Variants in UNC5D observed in about 807,000 individuals in gnomAD.
The protein encoded by UNC5D is netrin receptor UNC5D.
A neutral mutation model predicts 105.4 loss-of-function variants in UNC5D; 39 were observed. That is an observed-to-expected ratio of 0.37 (90% CI 0.29 to 0.48). The LOEUF (loss-of-function observed/expected upper bound fraction) is 0.48, where lower values mean the gene tolerates loss of function less well. UNC5D is among the 20% of genes least tolerant of loss of function. The probability of loss-of-function intolerance (pLI) is 0.98; values close to 1 mark genes in which losing one functional copy is unlikely to be tolerated. For synonymous variants in UNC5D, 452 were observed against 450.4 expected, an observed-to-expected ratio of 1.00 and a Z score of -0.04; for missense variants, 991 against 1,202.4, an observed-to-expected ratio of 0.82 and a Z score of 2.60.
At chr8:35,387,242 A>G (rs1352442030) in intron 1 of UNC5D, among the ~76,000 whole-genome samples, 2 of 151,826 alleles carry the variant, frequency 1.3e-5, no homozygotes, top group Non-Finnish European at 2.9e-5. Context: ...GTGTGCCTGT[A>G]GTCCCAGCTC....
chr8:35,313,188 G>A (rs1213584041), intron 1 of UNC5D, among the ~76,000 whole-genome samples: 2 of 152,294 alleles, frequency 1.3e-5, no homozygotes, highest in African/African-American at 2.4e-5. Flanking sequence ...TACAAGGAGT[G>A]CAAGCTTACA....
At chr8:35,772,487 T>A (rs1357046896) in intron 15 of UNC5D, among the ~76,000 whole-genome samples, 2 of 152,110 alleles carry the variant, frequency 1.3e-5, no homozygotes, top group Non-Finnish European at 2.9e-5. Flanking sequence ...GGTGCCCACA[T>A]TAGGAAGACA....
intron 4 of UNC5D, among the ~76,000 whole-genome samples, chr8:35,675,232 A>G (rs115031792): frequency 0.012 from 1,778 of 152,252 alleles, 32 homozygotes; most frequent in African/African-American, 0.041. Flanking sequence ...TAAAGCAAAG[A>G]ATAATGGACC....
At chr8:35,385,814 G>A (rs1051126072) in intron 1 of UNC5D, among the ~76,000 whole-genome samples, 1 of 152,106 alleles carries the variant, frequency 6.6e-6, no homozygotes, top group Non-Finnish European at 1.5e-5. Flanking sequence ...TCAGATTTAT[G>A]CAGAAATTTA....
At chr8:35,389,442 A>G (rs1803631774) in intron 1 of UNC5D, among the ~76,000 whole-genome samples, 1 of 152,188 alleles carries the variant, frequency 6.6e-6, no homozygotes, top group Non-Finnish European at 1.5e-5. Flanking sequence ...CACTTTGAGT[A>G]ACAGAGAACT....
intron 1 of UNC5D, among the ~76,000 whole-genome samples, chr8:35,389,722 A>G (rs1234830442): frequency 1.4e-5 from 2 of 137,944 alleles, no homozygotes; most frequent in African/African-American, 5.5e-5. Flanking sequence ...TCTGGAAGTT[A>G]ATGTTCTGGC....
chr8:35,639,255 A>G (rs1343558667), intron 4 of UNC5D, among the ~76,000 whole-genome samples: 1 of 152,220 alleles, frequency 6.6e-6, no homozygotes, highest in African/African-American at 2.4e-5. Flanking sequence ...GGCGACCAGG[A>G]AAGGACATCT....
chr8:35,759,507 C>T (rs368469576), intron 14 of UNC5D, 38 bp downstream of exon 14: 27 of 1,589,992 alleles, frequency 1.7e-5, no homozygotes, highest in Non-Finnish European at 1.8e-5. Flanking sequence ...AACGGCTTTG[C>T]TTTAACCGGC....
intron 1 of UNC5D, among the ~76,000 whole-genome samples, chr8:35,485,016 T>A (rs1024085805): frequency 6.6e-6 from 1 of 152,224 alleles, no homozygotes. Flanking sequence ...AATTGTTTTA[T>A]TTTTACTGAG....
chr8:35,760,671 C>T (rs1801485412), intron 14 of UNC5D, among the ~76,000 whole-genome samples: 2 of 152,128 alleles, frequency 1.3e-5, no homozygotes, highest in African/African-American at 4.8e-5. Flanking sequence ...CTGGCGGACT[C>T]ACATTGACCT....
intron 4 of UNC5D, among the ~76,000 whole-genome samples, chr8:35,647,919 A>G (rs1823158434): frequency 6.6e-6 from 1 of 152,224 alleles, no homozygotes; most frequent in African/African-American, 2.4e-5. Context: ...GACAACTCAG[A>G]TAATTTGCTG....
chr8:35,275,519 C>A (rs1480710366), intron 1 of UNC5D, among the ~76,000 whole-genome samples: 1 of 151,992 alleles, frequency 6.6e-6, no homozygotes, highest in Non-Finnish European at 1.5e-5. Flanking sequence ...TATTCATTTT[C>A]TTAGTTATTT....
At chr8:35,309,551 C>T (rs2128877518) in intron 1 of UNC5D, among the ~76,000 whole-genome samples, 1 of 152,210 alleles carries the variant, frequency 6.6e-6, no homozygotes, top group African/African-American at 2.4e-5. Flanking sequence ...TGAAACAAGC[C>T]AAGGACACTA....
At chr8:35,303,338 T>C (rs139277185) in intron 1 of UNC5D, among the ~76,000 whole-genome samples, 209 of 152,308 alleles carry the variant, frequency 1.4e-3, no homozygotes, top group African/African-American at 4.9e-3. Context: ...TTTAATTTTA[T>C]TTAATTGAAA....
chr8:35,483,112 T>A (rs1810598418), intron 1 of UNC5D, among the ~76,000 whole-genome samples: 1 of 152,008 alleles, frequency 6.6e-6, no homozygotes, highest in African/African-American at 2.4e-5. Flanking sequence ...CCCATTTTTT[T>A]TTTAAGAGGT....
chr8:35,640,462 T>A (rs78490270), intron 4 of UNC5D, among the ~76,000 whole-genome samples: 1 of 152,284 alleles, frequency 6.6e-6, no homozygotes, highest in Non-Finnish European at 1.5e-5. Flanking sequence ...TTTCTTGATA[T>A]GATGTTACGT....
intron 2 of UNC5D, among the ~76,000 whole-genome samples, chr8:35,552,041 A>G (rs1816191648): frequency 6.6e-6 from 1 of 152,184 alleles, no homozygotes. Flanking sequence ...TCAAAACTCC[A>G]AAAAGGAGAG....
In UNC5D at chr8:35,657,078, G is replaced by GTGTA. The variant is rs1390196972; in HGVS notation, c.571-26467_571-26464dup. ...TGTGTGTGTGTGTGTGTGTGTGTGT[G>GTGTA]TGTATATATATATATATATATATAT... On this transcript the variant is annotated intron_variant, in intron 4 of 16. Coordinates refer to ENST00000404895, the MANE Select transcript of UNC5D (RefSeq NM_080872.4). 3.0e-3 allele frequency among the ~76,000 whole-genome samples: 238 copies of GTGTA among 80,544 alleles called. 1 individual carries two copies. The highest frequency in any genetic ancestry group is 4.9e-3 in the Non-Finnish European group (210 of 43,090). The allele number at this position is 80,544 out of a possible 152,430, so 52.8% of individuals were successfully genotyped here. A position where few individuals can be genotyped will look rare whatever the true frequency, so the allele number is the denominator to read the frequency against.
chr8:35,789,438 A>C (rs1179546118), intron 16 of UNC5D, among the ~76,000 whole-genome samples: 1 of 151,812 alleles, frequency 6.6e-6, no homozygotes, highest in Non-Finnish European at 1.5e-5. Flanking sequence ...GAGTACGTTA[A>C]AAAGAAAAAA....
Sources: allele counts gnomAD v4.1 joint callset (sites outside exome capture counted in the v4.1 genomes callset), GRCh38; gene constraint gnomAD v4.1.1; transcripts MANE v1.5; gene names NCBI Gene and HGNC (gene_info 2026-07-23, HGNC 2026-07-21).